The following NAV1 variants were observed in gnomAD, a reference collection of about 807,000 sequenced individuals.
The protein encoded by NAV1 is pore membrane and/or filament interacting like protein 3.
NAV1 carries 18 observed loss-of-function variants against 175.2 expected under a neutral mutation model. That is an observed-to-expected ratio of 0.10 (90% CI 0.07 to 0.15). NAV1 has a LOEUF of 0.15. NAV1 is among the 10% of genes least tolerant of loss of function. NAV1 has a pLI of 1.00. For missense variants in NAV1, 1,731 were observed against 2,436.6 expected (o/e 0.71, Z 6.10); for synonymous variants, 897 against 978.7 (o/e 0.92, Z 1.56).
chr1:201,772,282 G>A (rs1018293723), intron 3 of NAV1, among the ~76,000 whole-genome samples: 1 of 152,216 alleles, frequency 6.6e-6, no homozygotes, highest in Admixed American at 6.5e-5. Context: ...AATGGAAAAT[G>A]CCTATGTGAA....
intron 2 of NAV1, among the ~76,000 whole-genome samples, chr1:201,608,374 T>C (rs1667750332): frequency 6.6e-6 from 1 of 152,084 alleles, no homozygotes; most frequent in Non-Finnish European, 1.5e-5. Flanking sequence ...AGTCTGCGAA[T>C]GCCAGTGGAC....
At chr1:201,779,598 C>CAAAAAAAAAAAAAAAAAAAAAAAAAAAAA (rs10624879) in intron 3 of NAV1, among the ~76,000 whole-genome samples, 15 of 69,056 alleles carry the variant, frequency 2.2e-4, no homozygotes, top group African/African-American at 6.2e-4. Flanking sequence ...GACTCCGTCT[C>CAAAAAAAAAAAAAAAAAAAAAAAAAAAAA]AAAAAAAAAA....
At chr1:201,581,527 G>A (rs1350533613) in intron 1 of NAV1, among the ~76,000 whole-genome samples, 1 of 152,082 alleles carries the variant, frequency 6.6e-6, no homozygotes, top group Non-Finnish European at 1.5e-5. Context: ...CATAGAATCA[G>A]TAGTTAAAAA....
At chr1:201,819,523 C>G (rs1278516222) in intron 29 of NAV1, among the ~76,000 whole-genome samples, 1 of 145,240 alleles carries the variant, frequency 6.9e-6, no homozygotes, top group East Asian at 2.0e-4. Context: ...GTGATGATAT[C>G]AAAGCTCACT....
At chr1:201,792,782 A>C (rs1408148488) in intron 13 of NAV1, 1 of 152,230 alleles carries the variant, frequency 6.6e-6, no homozygotes, top group Non-Finnish European at 1.5e-5. Flanking sequence ...CTCTAACTGG[A>C]CTAAAGGGAT....
intron 3 of NAV1, chr1:201,724,661 T>C (rs567990332): frequency 6.5e-6 from 1 of 152,798 alleles, no homozygotes; most frequent in African/African-American, 2.4e-5. Flanking sequence ...CACAGGGCCT[T>C]AGACAGAGTC....
Position 201,782,260 on chromosome 1 carries a change from G to A in NAV1, c.1748G>A (p.Arg583Gln), listed in dbSNP as rs763185283. 13 of 1,614,038 alleles carry A rather than the reference G, an allele frequency of 8.1e-6. No homozygotes were observed. Among genetic ancestry groups the A allele is most frequent in the Admixed American group, 5.0e-5 (3 of 59,996 alleles). The change falls in exon 6 of 30, where the codon CGG (arginine) becomes CAG (glutamine). Residue 583 changes from arginine to glutamine, a missense_variant. Around this residue, in one of 13 missense-constraint regions of NAV1, gnomAD observed 634 missense variants for 766.8 expected, o/e 0.83. Coordinates refer to ENST00000367296, the Ensembl canonical transcript of NAV1. This position sits in a 1 kb window ranked among gnomAD's most constrained non-coding sequence, Gnocchi z 5.4. Reference sequence around the variant, plus strand: ...CAACGCTCCTCCTCTGATGCTGGTCGGGACCGCCTGAGTGATGCTAAGAAG... The same window carrying A: ...CAACGCTCCTCCTCTGATGCTGGTCAGGACCGCCTGAGTGATGCTAAGAAG...
intron 28 of NAV1, chr1:201,816,704 G>A (rs113416687): frequency 0.016 from 2,151 of 133,892 alleles, 63 homozygotes; most frequent in African/African-American, 0.058. Context: ...TTGAGGCAGA[G>A]TCTTGCTCTG....
At chr1:201,799,162 A>C (rs1455769900) in intron 15 of NAV1, among the ~76,000 whole-genome samples, 4 of 148,688 alleles carry the variant, frequency 2.7e-5, no homozygotes, top group African/African-American at 9.8e-5. Flanking sequence ...CTTATTTTCA[A>C]ATTGTTCAAG....
At chr1:201,781,434 T>G (rs1415426523) in intron 5 of NAV1, 125 bp downstream of exon 9, 1 of 970,268 alleles carries the variant, frequency 1.0e-6, no homozygotes, top group Non-Finnish European at 1.5e-6. Context: ...AGACATTATC[T>G]TATCTGGTCT....
chr1:201,546,473 A>AT (rs1056640592), intron 1 of NAV1, among the ~76,000 whole-genome samples: 1 of 152,186 alleles, frequency 6.6e-6, no homozygotes, highest in African/African-American at 2.4e-5. Flanking sequence ...ACAAGGTTTT[A>AT]TTTTGAAAAC....
intron 1 of NAV1, among the ~76,000 whole-genome samples, chr1:201,664,584 C>T (rs769985652): frequency 2.6e-5 from 4 of 152,220 alleles, no homozygotes; most frequent in Non-Finnish European, 5.9e-5. Context: ...GTTATCTACC[C>T]ACTCCACTAT....
At chr1:201,746,151 T>C (rs1673756025) in intron 3 of NAV1, among the ~76,000 whole-genome samples, 1 of 150,898 alleles carries the variant, frequency 6.6e-6, no homozygotes, top group Non-Finnish European at 1.5e-5. Flanking sequence ...TATCTATATA[T>C]ATTTTCCCCA....
At chr1:201,612,751 T>C (rs6672873) in intron 2 of NAV1, among the ~76,000 whole-genome samples, 4,242 of 152,226 alleles carry the variant, frequency 0.028, 198 homozygotes, top group African/African-American at 0.096. Flanking sequence ...ATAGAAATTT[T>C]GGAGAGGACA....
intron 2 of NAV1, among the ~76,000 whole-genome samples, chr1:201,714,191 G>A (rs978016765): frequency 6.6e-6 from 1 of 152,190 alleles, no homozygotes; most frequent in Admixed American, 6.5e-5. Flanking sequence ...GATTACAGGC[G>A]TGAGCCACCG....
chr1:201,571,551 C>T (rs991385958), intron 1 of NAV1, among the ~76,000 whole-genome samples: 1 of 152,212 alleles, frequency 6.6e-6, no homozygotes, highest in Admixed American at 6.5e-5. Context: ...AGATCACAGA[C>T]AAAGGGGACC....
chr1:201,581,671 A>G (rs955244586), intron 1 of NAV1, among the ~76,000 whole-genome samples: 1 of 152,014 alleles, frequency 6.6e-6, no homozygotes, highest in Non-Finnish European at 1.5e-5. Flanking sequence ...TGTACTAAAA[A>G]TACAAAAATT....
At position 201,690,410 on chromosome 1, in the gene NAV1, A is replaced by G. The variant is rs369385668; in HGVS notation, c.758-22407A>G. Among the ~76,000 whole-genome samples the G allele has an allele frequency of 5.5e-3, 360 of 64,906 alleles. 2 individuals carry two copies. Among genetic ancestry groups the G allele is most frequent in the African/African-American group, 0.019 (326 of 17,458 alleles). The allele number at this position is 64,906 out of a possible 152,430, so 42.6% of individuals were successfully genotyped here. ...GCCTGTCTGTGGCAGAGTGCTGGCT[A>G]TTTCCTCTCTGGCCTGTCCGTGGCA... On this transcript the variant is annotated intron_variant, in intron 1 of 29. Coordinates refer to ENST00000367296, the Ensembl canonical transcript of NAV1.
At chr1:201,710,399 G>A (rs1366639949) in intron 1 of NAV1, among the ~76,000 whole-genome samples, 1 of 151,468 alleles carries the variant, frequency 6.6e-6, no homozygotes, top group Admixed American at 6.6e-5. Flanking sequence ...TGATCTTCCT[G>A]CCTCAGCCTC....
Sources: allele counts gnomAD v4.1 joint callset (sites outside exome capture counted in the v4.1 genomes callset), GRCh38; gene constraint gnomAD v4.1.1; regional missense constraint gnomAD v4.1.1; non-coding constraint Gnocchi (gnomAD v3.1); transcripts MANE v1.5; gene names NCBI Gene and HGNC (gene_info 2026-07-23, HGNC 2026-07-21).